Variants in SHC4 observed in about 807,000 individuals in gnomAD.
The protein encoded by SHC4 is SHC-transforming protein 4.
A neutral mutation model predicts 69.4 loss-of-function variants in SHC4; 41 were observed. That is an observed-to-expected ratio of 0.59 (90% CI 0.46 to 0.77). The LOEUF is 0.77. Among genes scored for constraint, SHC4 ranks in the 30% least tolerant of loss-of-function variants. The probability of loss-of-function intolerance (pLI) is 0.00; values close to 1 mark genes in which losing one functional copy is unlikely to be tolerated. For synonymous variants in SHC4, 318 were observed against 299.3 expected, an observed-to-expected ratio of 1.06 and a Z score of -0.64; for missense variants, 777 against 783.8, an observed-to-expected ratio of 0.99 and a Z score of 0.10.
chr15:48,911,799 G>A (rs1248314033), intron 2 of SHC4, among the ~76,000 whole-genome samples: 2 of 152,164 alleles, frequency 1.3e-5, no homozygotes, highest in Non-Finnish European at 2.9e-5. Flanking sequence ...TGGTAATGGT[G>A]AATTCTCTCA....
At chr15:48,872,291 C>T in intron 4 of SHC4, 149 bp from the exon 5 acceptor site, 1 of 501,412 alleles carries the variant, frequency 2.0e-6, no homozygotes, top group South Asian at 2.8e-5. Context: ...CTATAATAAT[C>T]TCATTTAAAC....
At chr15:48,926,206 T>C (rs1247731997) in intron 1 of SHC4, among the ~76,000 whole-genome samples, 1 of 151,842 alleles carries the variant, frequency 6.6e-6, no homozygotes, top group African/African-American at 2.4e-5. Flanking sequence ...GCTGTGAGAG[T>C]CAATCCTCCC....
chr15:48,895,135 C>T (rs537562597), intron 2 of SHC4, among the ~76,000 whole-genome samples: 15 of 152,162 alleles, frequency 9.9e-5, no homozygotes, highest in African/African-American at 3.1e-4. Flanking sequence ...TCTTTATGGT[C>T]AGGCCCAGAA....
chr15:48,839,960 G>A (rs1341688061), intron 10 of SHC4, among the ~76,000 whole-genome samples: 1 of 152,202 alleles, frequency 6.6e-6, no homozygotes, highest in African/African-American at 2.4e-5. Flanking sequence ...GCTAGGTGTG[G>A]TCACATGTCT....
intron 2 of SHC4, among the ~76,000 whole-genome samples, chr15:48,898,246 C>G (rs1406185988): frequency 6.6e-6 from 1 of 152,198 alleles, no homozygotes; most frequent in Non-Finnish European, 1.5e-5. Flanking sequence ...CACTTTAGAA[C>G]AGGAACCTGC....
intron 2 of SHC4, among the ~76,000 whole-genome samples, chr15:48,894,736 G>T (rs1900193376): frequency 6.6e-6 from 1 of 152,064 alleles, no homozygotes. Flanking sequence ...GCAGTAGCAG[G>T]GAGCCCGAGT....
At chr15:48,951,041 A>G (rs888979684) in intron 1 of SHC4, among the ~76,000 whole-genome samples, 1 of 151,684 alleles carries the variant, frequency 6.6e-6, no homozygotes, top group African/African-American at 2.4e-5. Context: ...TCCCCTTTCC[A>G]TAGAACACCT....
chr15:48,867,967 A>G (rs1470685121), intron 5 of SHC4, 98 bp from the exon 6 acceptor site: 1 of 938,586 alleles, frequency 1.1e-6, no homozygotes, highest in Non-Finnish European at 1.6e-6. Flanking sequence ...GGACTCAAAT[A>G]CAAATGTTTT....
intron 4 of SHC4, 33 bp downstream of exon 4, chr15:48,884,215 A>G (rs761170657): frequency 5.1e-6 from 8 of 1,568,606 alleles, no homozygotes; most frequent in Non-Finnish European, 6.9e-6. Context: ...AAAAATAGAT[A>G]TGTTTATCTA....
chr15:48,961,941 G>C (rs1398409584), intron 1 of SHC4, among the ~76,000 whole-genome samples: 1 of 152,178 alleles, frequency 6.6e-6, no homozygotes, highest in African/African-American at 2.4e-5. Context: ...AGAAGTGTTT[G>C]TTAAATGCTG....
intron 2 of SHC4, among the ~76,000 whole-genome samples, chr15:48,917,244 TGTGTGTGTG>T (rs1900641412): frequency 2.3e-3 from 1 of 434 alleles, no homozygotes; most frequent in Non-Finnish European, 0.01. Flanking sequence ...CCTGATTTCT[TGTGTGTGTG>T]TGTGTGTGTG....
At chr15:48,830,280 C>A (rs1416829280) in intron 11 of SHC4, among the ~76,000 whole-genome samples, 1 of 152,146 alleles carries the variant, frequency 6.6e-6, no homozygotes, top group Non-Finnish European at 1.5e-5. Context: ...AAACTGATAA[C>A]ACCTTAACTT....
At chr15:48,899,056 A>AAC (rs1555435033) in intron 2 of SHC4, among the ~76,000 whole-genome samples, 34 of 150,602 alleles carry the variant, frequency 2.3e-4, no homozygotes, top group African/African-American at 5.6e-4. Flanking sequence ...AAAAAAAAAA[A>AAC]AAAAAACCGA....
intron 2 of SHC4, among the ~76,000 whole-genome samples, chr15:48,920,015 GTTTT>G (rs11293084): frequency 7.2e-6 from 1 of 139,516 alleles, no homozygotes; most frequent in Non-Finnish European, 1.6e-5. Flanking sequence ...CACGGAGTTT[GTTTT>G]TTTTTTTTTT....
chr15:48,917,168 T>C (rs184309619), intron 2 of SHC4, among the ~76,000 whole-genome samples: 2 of 152,000 alleles, frequency 1.3e-5, no homozygotes, highest in South Asian at 2.1e-4. Flanking sequence ...AGGAAGATTT[T>C]TTTTCTTCTT....
intron 11 of SHC4, among the ~76,000 whole-genome samples, chr15:48,827,226 G>A (rs892852590): frequency 4.6e-5 from 7 of 152,124 alleles, no homozygotes; most frequent in African/African-American, 1.4e-4. Context: ...GGTTTTTGCC[G>A]TATTAAAATC....
At chr15:48,877,695 AAC>A (rs1899837616) in intron 4 of SHC4, 1 of 469,026 alleles carries the variant, frequency 2.1e-6, no homozygotes, top group East Asian at 1.5e-4. Flanking sequence ...TTTAAATGAA[AAC>A]ACTAAAAGGA....
intron 1 of SHC4, among the ~76,000 whole-genome samples, chr15:48,948,374 G>A (rs979391063): frequency 2.0e-5 from 3 of 152,302 alleles, no homozygotes; most frequent in South Asian, 2.1e-4. Context: ...CCAACAAATC[G>A]TGTTGCTGAA....
intron 4 of SHC4, among the ~76,000 whole-genome samples, 167 bp downstream of exon 4, chr15:48,884,081 A>G (rs775986195): frequency 6.6e-6 from 1 of 152,364 alleles, no homozygotes; most frequent in Non-Finnish European, 1.5e-5. Context: ...ATGGGTTAGT[A>G]ATGCTGTTGT....
Sources: gnomAD v4.1 joint callset for allele counts (sites outside exome capture counted in the v4.1 genomes callset) on GRCh38, gnomAD v4.1.1 for gene constraint, MANE v1.5 for transcripts, NCBI Gene and HGNC (gene_info 2026-07-23, HGNC 2026-07-21) for gene names.